The following TAF1D variants were observed in gnomAD, a reference collection of about 807,000 sequenced individuals.
TAF1D encodes TATA box-binding protein-associated factor RNA polymerase I subunit D.
Under a neutral mutation model 26.2 loss-of-function variants are expected in TAF1D, and 23 were observed. The observed-to-expected ratio is 0.88, with a 90% CI of 0.63 to 1.25. The LOEUF (loss-of-function observed/expected upper bound fraction) is 1.25, where lower values mean the gene tolerates loss of function less well. TAF1D is among the 50% of genes most tolerant of loss of function. The pLI is 0.00. For missense variants in TAF1D, 299 were observed against 322.0 expected (o/e 0.93, Z 0.55); for synonymous variants, 100 against 105.6 (o/e 0.95, Z 0.33).
In TAF1D at chr11:93,738,500, C is replaced by A; in HGVS notation, c.69-1G>T. 3.2e-6 allele frequency: 5 copies of A among 1,553,688 alleles called. No individual in the cohort carries two copies. Among genetic ancestry groups the A allele is most frequent in the Non-Finnish European group, 4.3e-6 (5 of 1,155,848 alleles). ...TAAGCTGCTATCAGAAGAGTTATCACTAGAAAAATGGGAAAAAAATTAATT... is the reference window on the plus strand; with the variant it reads ...TAAGCTGCTATCAGAAGAGTTATCAATAGAAAAATGGGAAAAAAATTAATT... On this transcript the variant is annotated splice_acceptor_variant, in intron 2 of 5. Coordinates refer to ENST00000448108, the MANE Select transcript of TAF1D (RefSeq NM_024116.4). LOFTEE classifies it high-confidence loss of function.
downstream of TAF1D, chr11:93,731,545 T>C (rs770635293): frequency 1.9e-6 from 1 of 519,012 alleles, no homozygotes; most frequent in South Asian, 1.4e-5. Context: ...TTCAGAGCAG[T>C]TGAACATTTC....
At chr11:93,740,850 G>T (rs947931510) in intron 1 of TAF1D, among the ~76,000 whole-genome samples, 2 of 152,020 alleles carry the variant, frequency 1.3e-5, no homozygotes, top group East Asian at 1.9e-4. Flanking sequence ...TCACTTTTTC[G>T]AAGTGTTTAG....
downstream of TAF1D, chr11:93,734,929 A>G: frequency 2.2e-6 from 2 of 890,898 alleles, no homozygotes; most frequent in Admixed American, 3.4e-5. Context: ...GTACCCAGCT[A>G]ATTTTTAAAT....
chr11:93,730,215 T>G, exon 12 of TAF1D: 1 of 1,551,356 alleles, frequency 6.4e-7, no homozygotes, highest in Non-Finnish European at 8.7e-7. Context: ...AACTCAAATT[T>G]TTATTCCTTC....
chr11:93,739,547 CG>C (rs1031399851), intron 1 of TAF1D, among the ~76,000 whole-genome samples: 2 of 152,252 alleles, frequency 1.3e-5, no homozygotes, highest in African/African-American at 4.8e-5. Flanking sequence ...ATGTATTCAA[CG>C]CAACAAGATT....
chr11:93,741,019 G>C (rs1941913367), intron 1 of TAF1D, among the ~76,000 whole-genome samples: 1 of 152,202 alleles, frequency 6.6e-6, no homozygotes, highest in Admixed American at 6.5e-5. Context: ...GCGAGTAATG[G>C]GTACCTCACA....
intron 3 of TAF1D, 38 bp downstream of exon 3, chr11:93,738,071 G>T: frequency 6.6e-7 from 1 of 1,512,018 alleles, no homozygotes; most frequent in South Asian, 1.4e-5. Flanking sequence ...TGGGCATCTT[G>T]AGTTATGTGT....
downstream of TAF1D, chr11:93,733,139 T>TA: frequency 2.1e-6 from 1 of 472,460 alleles, no homozygotes; most frequent in East Asian, 5.6e-5. Flanking sequence ...AAGTACCAAT[T>TA]AAAGATTTAG....
chr11:93,731,484 G>A, downstream of TAF1D: 2 of 518,146 alleles, frequency 3.9e-6, no homozygotes, highest in South Asian at 2.8e-5. Flanking sequence ...GAAATACAAT[G>A]CAATATTTAA....
chr11:93,739,412 A>C, intron 1 of TAF1D, 81 bp from the exon 2 acceptor site: 2 of 854,638 alleles, frequency 2.3e-6, no homozygotes, highest in Non-Finnish European at 1.8e-6. Flanking sequence ...ACGTGGTCAG[A>C]CTATGCCAAT....
At position 93,738,286 on chromosome 11, in the gene TAF1D, CTTT is replaced by C. The variant is rs746556335; in HGVS notation, c.279_281del (p.Lys96del). Reference sequence around the variant, plus strand: ...CTGTTGGCTGGTACCTCCTCTTTTTCTTTTTTTTATATCTCTTTTTCCTGTTCT... The same window carrying C: ...CTGTTGGCTGGTACCTCCTCTTTTTCTTTTTATATCTCTTTTTCCTGTTCT... On this transcript the variant is annotated inframe_deletion, in exon 3 of 6. Transcript: ENST00000448108. 2 of 1,608,286 alleles carry C rather than the reference CTTT, an allele frequency of 1.2e-6. No individual in the cohort carries two copies. The highest frequency in any genetic ancestry group is 1.7e-6 in the Non-Finnish European group (2 of 1,178,610).
At chr11:93,731,799 C>T, downstream of TAF1D, 1 of 351,600 alleles carries the variant, frequency 2.8e-6, no homozygotes, top group Admixed American at 3.9e-5. Context: ...ACTTTAGGGT[C>T]CTAGAAGTTG....
exon 12 of TAF1D, chr11:93,730,236 A>G: frequency 6.4e-7 from 1 of 1,551,238 alleles, no homozygotes; most frequent in Admixed American, 2.0e-5. Context: ...CACAGAAAAC[A>G]CTAGAGAAAC....
downstream of TAF1D, chr11:93,733,518 T>C (rs763122585): frequency 1.5e-5 from 8 of 518,828 alleles, no homozygotes; most frequent in East Asian, 3.8e-4. Context: ...GTGAGTAAAG[T>C]AAAACCACAG....
chr11:93,741,199 C>T (rs1210669540), intron 1 of TAF1D, 123 bp downstream of exon 1: 2 of 400,724 alleles, frequency 5.0e-6, no homozygotes, highest in Non-Finnish European at 9.9e-6. Context: ...ATCCCTTCAC[C>T]CTCTCGGACC....
rs1469149150 is a variant in TAF1D at position 93,736,043 on chromosome 11, A to G, written c.*118T>C. The G allele has an allele frequency of 6.9e-7, 1 of 1,451,676 alleles. No individual in the cohort carries two copies. The highest frequency in any genetic ancestry group is 2.6e-5 in the East Asian group (1 of 38,466). The allele number at this position is 1,451,676 out of a possible 1,614,324, so 89.9% of individuals were successfully genotyped here. ...TTAAAAATTTTTTTTCTTGTTATAA[A>G]GTTCTGGGTTTCAGAATTTCTTCAC... On this transcript the variant is annotated 3_prime_UTR_variant, in exon 6 of 6. Coordinates refer to ENST00000448108, the MANE Select transcript of TAF1D (RefSeq NM_024116.4).
downstream of TAF1D, chr11:93,735,373 G>A: frequency 9.5e-7 from 1 of 1,048,210 alleles, no homozygotes. Context: ...CTAATAAAAA[G>A]TGAAAATGGT....
downstream of TAF1D, chr11:93,731,065 G>A (rs768348696): frequency 1.2e-5 from 6 of 518,896 alleles, no homozygotes; most frequent in South Asian, 5.6e-5. Context: ...CACAGCAAAT[G>A]AGAAACTGCA....
downstream of TAF1D, chr11:93,733,740 C>A (rs748549386): frequency 1.2e-5 from 4 of 321,070 alleles, no homozygotes; most frequent in Admixed American, 3.5e-5. Context: ...TCACTGTAGC[C>A]TCAAACCGCT....
Sources: allele counts gnomAD v4.1 joint callset (sites outside exome capture counted in the v4.1 genomes callset), GRCh38; gene constraint gnomAD v4.1.1; transcripts MANE v1.5; gene names NCBI Gene and HGNC (gene_info 2026-07-23, HGNC 2026-07-21).